KIDINS220: variants seen among roughly 807,000 people sequenced by gnomAD.
The protein encoded by KIDINS220 is kinase D interacting substrate 220, also known as kinase D-interacting substrate of 220 kDa.
Under a neutral mutation model 157.6 loss-of-function variants are expected in KIDINS220, and 63 were observed. The observed-to-expected ratio is 0.40, with a 90% CI of 0.33 to 0.49. The LOEUF (loss-of-function observed/expected upper bound fraction) is 0.49. Among genes scored for constraint, KIDINS220 ranks in the 20% least tolerant of loss-of-function variants. The pLI, the probability that KIDINS220 is intolerant of heterozygous loss-of-function variation, is 0.66. For missense variants in KIDINS220, 1,772 were observed against 2,171.2 expected, an observed-to-expected ratio of 0.82 and a Z score of 3.65; for synonymous variants, 732 against 783.6, an observed-to-expected ratio of 0.93 and a Z score of 1.10.
intron 22 of KIDINS220, among the ~76,000 whole-genome samples, chr2:8,755,908 G>A (rs1667954922): frequency 1.3e-5 from 2 of 152,194 alleles, no homozygotes; most frequent in Admixed American, 1.3e-4. Context: ...AAATTGAGAG[G>A]TGTCAGTCCT....
chr2:8,815,667 T>C (rs1676979239), intron 4 of KIDINS220, among the ~76,000 whole-genome samples: 2 of 152,042 alleles, frequency 1.3e-5, no homozygotes, highest in Non-Finnish European at 2.9e-5. Flanking sequence ...AGACTCCGTC[T>C]CAGGGGGAAA....
At chr2:8,748,760 A>T (rs963461328) in intron 24 of KIDINS220, among the ~76,000 whole-genome samples, 7 of 152,238 alleles carry the variant, frequency 4.6e-5, no homozygotes. Flanking sequence ...AAAAATCTCA[A>T]ATAACTACAG....
chr2:8,743,971 CT>C (rs1285804070), intron 26 of KIDINS220, among the ~76,000 whole-genome samples: 1 of 151,198 alleles, frequency 6.6e-6, no homozygotes, highest in Non-Finnish European at 1.5e-5. Flanking sequence ...TATTTTTTCT[CT>C]ATTATACAAT....
At chr2:8,751,223 TA>T (rs1342505384) in intron 23 of KIDINS220, among the ~76,000 whole-genome samples, 1 of 150,918 alleles carries the variant, frequency 6.6e-6, no homozygotes, top group East Asian at 2.0e-4. Context: ...GGGATCATAA[TA>T]AAGTGAGATC....
At chr2:8,824,643 G>A (rs1678476153) in intron 2 of KIDINS220, among the ~76,000 whole-genome samples, 1 of 152,196 alleles carries the variant, frequency 6.6e-6, no homozygotes, top group Non-Finnish European at 1.5e-5. Context: ...TTCTGCCACT[G>A]CACTCCAGGC....
chr2:8,763,612 A>G (rs955304302), intron 22 of KIDINS220, among the ~76,000 whole-genome samples: 1 of 152,218 alleles, frequency 6.6e-6, no homozygotes, highest in South Asian at 2.1e-4. Flanking sequence ...AATTCTATAA[A>G]TATTTGTTTA....
At chr2:8,726,647 C>G (rs2147925248), downstream of KIDINS220, among the ~76,000 whole-genome samples, 1 of 152,328 alleles carries the variant, frequency 6.6e-6, no homozygotes, top group East Asian at 1.9e-4. Flanking sequence ...GCACCCACTA[C>G]ACACCTAGGC....
rs1272643841 is a variant in KIDINS220 at position 8,736,932 on chromosome 2, T to C, written c.3653A>G (p.Lys1218Arg). ...GTCCAGCCCTTCTATTTGTTTCAGC[T>C]TCTCACATACTGCATCCACATTCAG... ...NSLNVDAVCE[K>R]LKQIEGLDQS... The change falls in exon 27 of 30, where the codon AAG becomes AGG. Residue 1218 changes from lysine (K) to arginine (R), a missense_variant. Physicochemically the swap from Lys to Arg is conservative, Grantham distance 26. Transcript: ENST00000256707. 5 of 1,614,102 alleles carry C rather than the reference T, an allele frequency of 3.1e-6. No homozygotes were observed. The highest frequency in any genetic ancestry group is 3.3e-5 in the Admixed American group (2 of 60,012).
In KIDINS220 at chr2:8,755,496, T is replaced by C. The variant is rs1667895622; in HGVS notation, c.3012-3852A>G. On this transcript the variant is annotated intron_variant, in intron 22 of 29. Coordinates refer to ENST00000256707, the MANE Select transcript of KIDINS220 (RefSeq NM_020738.4). ...TCGCAACACTGTTGTCCAATAAATA[T>C]TTGTAGAAGGAATAAACTACACATG... Among the ~76,000 whole-genome samples, 11 of 152,204 alleles carry C rather than the reference T, an allele frequency of 7.2e-5. No homozygotes were observed. In the South Asian group the frequency reaches 2.3e-3, roughly 32 times the overall value.
At chr2:8,782,529 A>G (rs896822786) in intron 17 of KIDINS220, among the ~76,000 whole-genome samples, 6 of 152,362 alleles carry the variant, frequency 3.9e-5, no homozygotes, top group Non-Finnish European at 8.8e-5. Context: ...AATTGCATCA[A>G]TAATAATTTT....
At chr2:8,763,593 C>A (rs1669064074) in intron 22 of KIDINS220, among the ~76,000 whole-genome samples, 1 of 152,104 alleles carries the variant, frequency 6.6e-6, no homozygotes, top group Non-Finnish European at 1.5e-5. Context: ...CTGTGCCCTG[C>A]ATATAATAAA....
chr2:8,825,182 A>C (rs1430748470), intron 2 of KIDINS220, among the ~76,000 whole-genome samples: 1 of 151,418 alleles, frequency 6.6e-6, no homozygotes, highest in Admixed American at 6.6e-5. Flanking sequence ...GACCAGCCTG[A>C]CCAACATGGT....
At chr2:8,831,363 G>T (rs1381479564) in intron 1 of KIDINS220, among the ~76,000 whole-genome samples, 1 of 131,560 alleles carries the variant, frequency 7.6e-6, no homozygotes, top group African/African-American at 2.8e-5. Flanking sequence ...TCCAGCTCCA[G>T]CCAGACTGAT....
intron 4 of KIDINS220, among the ~76,000 whole-genome samples, chr2:8,815,427 G>A (rs1007188722): frequency 1.3e-5 from 2 of 151,846 alleles, no homozygotes; most frequent in African/African-American, 2.4e-5. Context: ...AAAAAAAAAG[G>A]GAGGCCTAGG....
At chr2:8,738,495 G>A (rs1221180434) in intron 26 of KIDINS220, among the ~76,000 whole-genome samples, 1 of 152,232 alleles carries the variant, frequency 6.6e-6, no homozygotes, top group Non-Finnish European at 1.5e-5. Flanking sequence ...TTAGTGGTGG[G>A]AAGGCTTATG....
downstream of KIDINS220, chr2:8,725,242 T>A (rs1663206114): frequency 6.6e-6 from 1 of 152,236 alleles, no homozygotes. Flanking sequence ...AACACAGCTT[T>A]AAAAAGTGCA....
intron 27 of KIDINS220, 44 bp from the exon 28 acceptor site, chr2:8,734,797 G>A (rs1448151418): frequency 2.3e-6 from 3 of 1,329,836 alleles, no homozygotes; most frequent in Non-Finnish European, 3.2e-6. Context: ...GACAGAATGT[G>A]AAATATTCTG....
At chr2:8,751,684 C>G in intron 22 of KIDINS220, 40 bp from the exon 23 acceptor site, 1 of 1,394,496 alleles carries the variant, frequency 7.2e-7, no homozygotes, top group South Asian at 1.2e-5. Context: ...ATTAATGTCA[C>G]TATTAGAAAG....
chr2:8,721,492 T>A (rs1483888401), downstream of KIDINS220: 1 of 152,210 alleles, frequency 6.6e-6, no homozygotes, highest in Non-Finnish European at 1.5e-5. Context: ...TCCATAAGTA[T>A]AATTCACATG....
Sources: allele counts gnomAD v4.1 joint callset (sites outside exome capture counted in the v4.1 genomes callset), GRCh38; gene constraint gnomAD v4.1.1; transcripts MANE v1.5; gene names NCBI Gene and HGNC (gene_info 2026-07-23, HGNC 2026-07-21).